The following SLC10A7 variants were observed in gnomAD, a reference collection of about 807,000 sequenced individuals.
SLC10A7 encodes the protein sodium/bile acid cotransporter 7.
Under a neutral mutation model 43.2 loss-of-function variants are expected in SLC10A7, and 29 were observed. That is an observed-to-expected ratio of 0.67 (90% CI 0.50 to 0.92). The LOEUF (loss-of-function observed/expected upper bound fraction) is 0.92. Ranked by LOEUF, SLC10A7 falls within the 40% of genes least tolerant of loss-of-function variation. The pLI is 0.00. For missense variants in SLC10A7, 295 were observed against 403.2 expected, an observed-to-expected ratio of 0.73 and a Z score of 2.30; for synonymous variants, 152 against 144.8, an observed-to-expected ratio of 1.05 and a Z score of -0.35.
chr4:146,311,785 T>A (rs1480866722), intron 6 of SLC10A7, among the ~76,000 whole-genome samples: 1 of 152,118 alleles, frequency 6.6e-6, no homozygotes, highest in Non-Finnish European at 1.5e-5. Flanking sequence ...CTTACTATTG[T>A]GCCCACACAC....
chr4:146,401,693 G>A (rs1311551846), intron 5 of SLC10A7, among the ~76,000 whole-genome samples: 1 of 152,130 alleles, frequency 6.6e-6, no homozygotes, highest in Admixed American at 6.5e-5. Context: ...GAGCAGCACA[G>A]ACTGTGTGAT....
At chr4:146,431,423 A>G (rs1729767555) in intron 5 of SLC10A7, among the ~76,000 whole-genome samples, 1 of 152,160 alleles carries the variant, frequency 6.6e-6, no homozygotes, top group South Asian at 2.1e-4. Flanking sequence ...TTTTCAACAT[A>G]CACAATATTA....
chr4:146,397,287 T>A (rs916818029), intron 5 of SLC10A7, among the ~76,000 whole-genome samples: 10 of 152,184 alleles, frequency 6.6e-5, no homozygotes, highest in African/African-American at 2.2e-4. Context: ...GCAGGGCCAC[T>A]TGCACACTAT....
chr4:146,448,660 G>A (rs1400002965), intron 4 of SLC10A7, among the ~76,000 whole-genome samples: 1 of 152,152 alleles, frequency 6.6e-6, no homozygotes, highest in Non-Finnish European at 1.5e-5. Context: ...TTGAGTACCT[G>A]ATTCTTAGTC....
rs143711854 is a variant in SLC10A7 at position 146,367,564 on chromosome 4, T to C, written c.436-41568A>G. 3.9e-4 allele frequency among the ~76,000 whole-genome samples: 60 copies of C among 152,328 alleles called. 2 individuals carry two copies. Among genetic ancestry groups the C allele is most frequent in the Non-Finnish European group, 7.1e-4 (48 of 68,016 alleles). On this transcript the variant is annotated intron_variant, in intron 5 of 11. Transcript: ENST00000335472. ...CAATGGAGACACTGAATGCCAGTTC[T>C]ATTTTTAAACTATCTGTAATGTTTT...
intron 4 of SLC10A7, among the ~76,000 whole-genome samples, chr4:146,491,743 GGAAA>G: frequency 7.5e-6 from 1 of 134,216 alleles, no homozygotes; most frequent in South Asian, 2.4e-4. Context: ...AAGGAAGGAA[GGAAA>G]TAAATTCCTC....
At chr4:146,502,480 A>G (rs566116953) in intron 4 of SLC10A7, among the ~76,000 whole-genome samples, 78 of 152,316 alleles carry the variant, frequency 5.1e-4, no homozygotes, top group African/African-American at 1.9e-3. Flanking sequence ...ATTAAAAGGT[A>G]CTAGAACTTA....
intron 5 of SLC10A7, among the ~76,000 whole-genome samples, chr4:146,399,757 A>G (rs1739094803): frequency 6.6e-6 from 1 of 152,190 alleles, no homozygotes; most frequent in African/African-American, 2.4e-5. Flanking sequence ...ATTAAGAAAT[A>G]TAGAGAAAGA....
At chr4:146,370,890 G>T (rs956077396) in intron 5 of SLC10A7, among the ~76,000 whole-genome samples, 1 of 152,078 alleles carries the variant, frequency 6.6e-6, no homozygotes, top group South Asian at 2.1e-4. Flanking sequence ...TTTTCCTGAT[G>T]ACTTGAGATA....
Position 146,285,776 on chromosome 4 carries a change from T to C in SLC10A7, c.774-2511A>G, listed in dbSNP as rs879340679. 1.1e-3 allele frequency among the ~76,000 whole-genome samples: 173 copies of C among 152,244 alleles called. 2 individuals are homozygous for C. Among genetic ancestry groups the C allele is most frequent in the Non-Finnish European group, 2.1e-3 (144 of 68,000 alleles). On this transcript the variant is annotated intron_variant, in intron 9 of 11. Coordinates refer to ENST00000335472, the MANE Select transcript of SLC10A7 (RefSeq NM_001029998.6). ...TTTGTAGTGGTGAGAAGGACTGAGT[T>C]TGTAGTGGTAAAAAGGACTGTGTTT... is the stretch of plus-strand genomic sequence containing the variant.
intron 7 of SLC10A7, among the ~76,000 whole-genome samples, chr4:146,298,518 C>T (rs1453288449): frequency 6.6e-6 from 1 of 152,026 alleles, no homozygotes; most frequent in Non-Finnish European, 1.5e-5. Context: ...TATAGATATG[C>T]TTTTTTATTA....
intron 3 of SLC10A7, among the ~76,000 whole-genome samples, chr4:146,505,563 C>T (rs1736823976): frequency 6.6e-6 from 1 of 152,066 alleles, no homozygotes; most frequent in Non-Finnish European, 1.5e-5. Context: ...TTTGTAAGAA[C>T]ATATTATCTA....
intron 5 of SLC10A7, among the ~76,000 whole-genome samples, chr4:146,386,954 T>C (rs796221481): frequency 3.3e-5 from 5 of 152,366 alleles, no homozygotes; most frequent in African/African-American, 1.2e-4. Flanking sequence ...AATAAACAAC[T>C]ACAAAATCAA....
In SLC10A7 at chr4:146,267,719, A is replaced by T. The variant is rs151017460; in HGVS notation, c.848-8882T>A. The stretch of plus-strand genomic sequence containing the variant: ...ATAAGAGAACATTTTTATCCTTTTC[A>T]TACAAAGAATCATATCCAAAATGAG... On this transcript the variant is annotated intron_variant, in intron 10 of 11. Coordinates refer to ENST00000335472, the MANE Select transcript of SLC10A7 (RefSeq NM_001029998.6). Among the ~76,000 whole-genome samples the T allele has an allele frequency of 3.8e-3, 584 of 152,266 alleles. 2 individuals are homozygous for T. Among genetic ancestry groups the T allele is most frequent in the African/African-American group, 0.013 (530 of 41,542 alleles).
chr4:146,388,673 G>A (rs903114465), intron 5 of SLC10A7, among the ~76,000 whole-genome samples: 3 of 151,782 alleles, frequency 2.0e-5, no homozygotes, highest in African/African-American at 7.3e-5. Flanking sequence ...GCAGGAGAAT[G>A]GCGTGAACCC....
intron 3 of SLC10A7, among the ~76,000 whole-genome samples, chr4:146,507,490 G>A (rs373639445): frequency 1.3e-5 from 2 of 152,148 alleles, no homozygotes; most frequent in African/African-American, 4.8e-5. Flanking sequence ...GAACCCGGGA[G>A]GCAGAGGTTG....
intron 6 of SLC10A7, among the ~76,000 whole-genome samples, chr4:146,320,655 T>G (rs1441905659): frequency 6.6e-6 from 1 of 152,038 alleles, no homozygotes; most frequent in Non-Finnish European, 1.5e-5. Flanking sequence ...ACCAGGGTAT[T>G]GGAAGGACCA....
chr4:146,399,231 G>C (rs1385052156), intron 5 of SLC10A7, among the ~76,000 whole-genome samples: 1 of 152,094 alleles, frequency 6.6e-6, no homozygotes, highest in Non-Finnish European at 1.5e-5. Flanking sequence ...AGGGGAGAAA[G>C]TCTTTGCTGC....
At chr4:146,271,857 C>T (rs139241766) in intron 10 of SLC10A7, among the ~76,000 whole-genome samples, 1,556 of 152,246 alleles carry the variant, frequency 0.01, 11 homozygotes, top group Non-Finnish European at 0.017. Context: ...TCTCCTTCCC[C>T]GAAATATCCA....
Sources: allele counts gnomAD v4.1 joint callset (sites outside exome capture counted in the v4.1 genomes callset), GRCh38; gene constraint gnomAD v4.1.1; transcripts MANE v1.5; gene names NCBI Gene and HGNC (gene_info 2026-07-23, HGNC 2026-07-21).